Variants in RBFOX1 observed in about 807,000 individuals in gnomAD.
RBFOX1 encodes RNA binding protein fox-1 homolog 1.
Under a neutral mutation model 57.7 loss-of-function variants are expected in RBFOX1, and 8 were observed. The ratio of observed to expected loss-of-function variants is 0.14; its 90% confidence interval spans 0.08 to 0.25. RBFOX1 has a LOEUF of 0.25. Ranked by LOEUF, RBFOX1 falls within the 10% of genes least tolerant of loss-of-function variation. The probability of loss-of-function intolerance (pLI) is 1.00; values close to 1 mark genes in which losing one functional copy is unlikely to be tolerated. For missense variants in RBFOX1, 611 were observed against 548.5 expected, an observed-to-expected ratio of 1.11 and a Z score of -1.14; for synonymous variants, 326 against 222.4, an observed-to-expected ratio of 1.47 and a Z score of -4.15.
At chr16:6,392,053 T>C (rs1194152349) in intron 2 of RBFOX1, among the ~76,000 whole-genome samples, 1 of 152,196 alleles carries the variant, frequency 6.6e-6, no homozygotes, top group Non-Finnish European at 1.5e-5. Flanking sequence ...GAGGAAACCG[T>C]AGGAGATAAT....
intron 3 of RBFOX1, among the ~76,000 whole-genome samples, chr16:6,880,251 G>A (rs1042708054): frequency 6.6e-6 from 1 of 152,166 alleles, no homozygotes; most frequent in East Asian, 1.9e-4. Context: ...AGAAGGGAAA[G>A]AGCAGAGTTA....
At chr16:5,391,923 A>G (rs973052687) in intron 1 of RBFOX1, among the ~76,000 whole-genome samples, 13 of 151,740 alleles carry the variant, frequency 8.6e-5, no homozygotes, top group Admixed American at 3.9e-4. Context: ...ACACATATAT[A>G]TACACACACA....
chr16:5,807,341 A>G (rs2055263588), intron 3 of RBFOX1, among the ~76,000 whole-genome samples: 1 of 151,956 alleles, frequency 6.6e-6, no homozygotes. Context: ...TTCCTTCACA[A>G]TCTTGTGGCA....
intron 3 of RBFOX1, among the ~76,000 whole-genome samples, chr16:6,892,441 G>A (rs918452704): frequency 6.6e-6 from 1 of 152,132 alleles, no homozygotes; most frequent in African/African-American, 2.4e-5. Flanking sequence ...AGGCCGAAGT[G>A]GGTGGATCCC....
intron 4 of RBFOX1, among the ~76,000 whole-genome samples, chr16:7,505,902 C>A (rs2151942098): frequency 6.6e-6 from 1 of 152,224 alleles, no homozygotes; most frequent in African/African-American, 2.4e-5. Context: ...AGATAATTTT[C>A]TGGCCAGGTG....
Position 7,075,738 on chromosome 16 carries a change from G to C in RBFOX1, c.27+23640G>C, listed in dbSNP as rs578071871. Among the ~76,000 whole-genome samples the C allele has an allele frequency of 9.2e-4, 140 of 152,042 alleles. 1 individual carries two copies. Among genetic ancestry groups the C allele is most frequent in the South Asian group, 2.3e-3 (11 of 4,804 alleles). Reference sequence around the variant, plus strand: ...TGGGACTACAGGTGCCTGCCACCACGCTCGGCTAATTTTTTTTATTTTTAG... The same window carrying C: ...TGGGACTACAGGTGCCTGCCACCACCCTCGGCTAATTTTTTTTATTTTTAG... On this transcript the variant is annotated intron_variant, in intron 4 of 15. Transcript: ENST00000550418.
At chr16:6,707,068 G>A (rs1350396732) in intron 3 of RBFOX1, among the ~76,000 whole-genome samples, 1 of 152,168 alleles carries the variant, frequency 6.6e-6, no homozygotes, top group Non-Finnish European at 1.5e-5. Context: ...TCATCATTTT[G>A]GTATAATCTC....
At position 5,754,372 on chromosome 16, in the gene RBFOX1, TTTAA is replaced by T; in HGVS notation, c.319-112928_319-112925del. Among the ~76,000 whole-genome samples, 3 of 152,272 alleles carry T rather than the reference TTTAA, an allele frequency of 2.0e-5. No homozygotes were observed. In the South Asian group the frequency reaches 6.2e-4, roughly 32 times the overall value. On this transcript the variant is annotated intron_variant, in intron 3 of 19. Transcript: ENST00000641259. Reference sequence around the variant, plus strand: ...CTATTGTTAGGAAGGAAGGGAGTGTTTTAATTGATGATTGATGTGGGGGTGGGTT... The same window carrying T: ...CTATTGTTAGGAAGGAAGGGAGTGTTTTGATGATTGATGTGGGGGTGGGTT...
chr16:7,154,646 C>T (rs973709882), intron 4 of RBFOX1, among the ~76,000 whole-genome samples: 3 of 150,766 alleles, frequency 2.0e-5, no homozygotes, highest in Non-Finnish European at 4.4e-5. Flanking sequence ...ATTGGAGAGG[C>T]ATAAAACTTA....
chr16:5,270,487 T>C (rs1346917856), intron 1 of RBFOX1: 24 of 709,088 alleles, frequency 3.4e-5, no homozygotes, highest in Admixed American at 3.2e-4. Flanking sequence ...GCATGGGTCT[T>C]ACCTGTGACA....
chr16:6,629,233 G>A lies in RBFOX1; in HGVS notation c.-63-25370G>A, dbSNP rs147354739. Among the ~76,000 whole-genome samples, 318 of 152,236 alleles carry A rather than the reference G, an allele frequency of 2.1e-3. 2 individuals are homozygous for A. The highest frequency in any genetic ancestry group is 6.9e-3 in the African/African-American group (286 of 41,534). On this transcript the variant is annotated intron_variant, in intron 2 of 15. Transcript: ENST00000550418. ...GTTCTTCTGTATTTGGCAATTACAG[G>A]CCTAGGGAAAAGGTAACCTCATCCC...
chr16:7,100,136 A>C (rs756725963), intron 4 of RBFOX1, among the ~76,000 whole-genome samples: 2 of 152,128 alleles, frequency 1.3e-5, no homozygotes, highest in Non-Finnish European at 2.9e-5. Flanking sequence ...GGAACAAAAA[A>C]AAAAGCTTTA....
chr16:5,749,209 T>A (rs2053100639), intron 3 of RBFOX1, among the ~76,000 whole-genome samples: 1 of 152,198 alleles, frequency 6.6e-6, no homozygotes, highest in African/African-American at 2.4e-5. Flanking sequence ...CCCTTTTGGT[T>A]TGTAGAGTTT....
At chr16:7,033,663 G>A (rs1325629878) in intron 3 of RBFOX1, among the ~76,000 whole-genome samples, 3 of 152,160 alleles carry the variant, frequency 2.0e-5, no homozygotes, top group Non-Finnish European at 4.4e-5. Flanking sequence ...ATGAGGAAGG[G>A]AGGCTGGGAT....
At chr16:5,250,500 C>G (rs1453457544) in intron 1 of RBFOX1, among the ~76,000 whole-genome samples, 3 of 152,242 alleles carry the variant, frequency 2.0e-5, no homozygotes, top group Non-Finnish European at 2.9e-5. Context: ...TCAACTCCCA[C>G]TTATGAGTGA....
chr16:7,043,290 CT>C (rs1304465247), intron 3 of RBFOX1, among the ~76,000 whole-genome samples: 1 of 152,180 alleles, frequency 6.6e-6, no homozygotes, highest in African/African-American at 2.4e-5. Flanking sequence ...ACATACGACC[CT>C]GTATCATCAT....
chr16:7,151,629 C>A (rs115641811), intron 4 of RBFOX1, among the ~76,000 whole-genome samples: 1 of 152,042 alleles, frequency 6.6e-6, no homozygotes. Context: ...GATTTAAGTC[C>A]TTTACATTTA....
At chr16:6,184,655 G>A (rs1302712081) in intron 1 of RBFOX1, among the ~76,000 whole-genome samples, 1 of 152,090 alleles carries the variant, frequency 6.6e-6, no homozygotes, top group Non-Finnish European at 1.5e-5. Flanking sequence ...CGCCTCCCGG[G>A]TTCAAGCAAT....
intron 4 of RBFOX1, among the ~76,000 whole-genome samples, chr16:7,456,959 C>T (rs528292419): frequency 2.0e-5 from 3 of 152,156 alleles, no homozygotes; most frequent in Admixed American, 1.3e-4. Flanking sequence ...GGCGCGATCC[C>T]GGCTCACTGC....
Sources: gnomAD v4.1 joint callset for allele counts (sites outside exome capture counted in the v4.1 genomes callset) on GRCh38, gnomAD v4.1.1 for gene constraint, MANE v1.5 for transcripts, NCBI Gene and HGNC (gene_info 2026-07-23, HGNC 2026-07-21) for gene names.